Variants in RBM46 observed in about 807,000 individuals in gnomAD.
RBM46 encodes the protein RNA binding motif protein 46, also known as probable RNA-binding protein 46.
Under a neutral mutation model 43.3 loss-of-function variants are expected in RBM46, and 12 were observed. The observed-to-expected ratio is 0.28, with a 90% CI of 0.18 to 0.45. The LOEUF (loss-of-function observed/expected upper bound fraction) is 0.45. Ranked by LOEUF, RBM46 falls within the 20% of genes least tolerant of loss-of-function variation. RBM46 has a pLI of 1.00. For synonymous variants in RBM46, 205 were observed against 207.6 expected (o/e 0.99, Z 0.11); for missense variants, 412 against 639.1 (o/e 0.64, Z 3.83).
Position 154,796,839 on chromosome 4 carries a change from G to C in RBM46, c.87G>C (p.Met29Ile). The C allele has an allele frequency of 6.2e-7, 1 of 1,613,908 alleles. No individual in the cohort carries two copies. Among genetic ancestry groups the C allele is most frequent in the South Asian group, 1.1e-5 (1 of 91,054 alleles). The change falls in exon 2 of 5, where the codon ATG becomes ATC. Residue 29 changes from methionine to isoleucine, a missense_variant. Physicochemically the swap from Met to Ile is conservative, Grantham distance 10. Transcript: ENST00000281722. ...IQNEAALLAL[M>I]EKTGYNMVQE... The stretch of plus-strand genomic sequence containing the variant: ...ATGAAGCAGCATTACTTGCTTTGAT[G>C]GAAAAGACTGGTTACAACATGGTTC...
intron 1 of RBM46, among the ~76,000 whole-genome samples, chr4:154,786,350 A>G (rs1193394858): frequency 6.6e-6 from 1 of 151,872 alleles, no homozygotes; most frequent in Non-Finnish European, 1.5e-5. Flanking sequence ...CATTCTCCCA[A>G]AGTGCTGGGA....
At chr4:154,807,004 G>A (rs554420570) in intron 4 of RBM46, among the ~76,000 whole-genome samples, 1 of 151,636 alleles carries the variant, frequency 6.6e-6, no homozygotes, top group East Asian at 1.9e-4. Context: ...TGGTTAATAC[G>A]GTCCTAAAAT....
At chr4:154,824,515 A>T (rs1310507714) in intron 4 of RBM46, among the ~76,000 whole-genome samples, 1 of 152,112 alleles carries the variant, frequency 6.6e-6, no homozygotes, top group African/African-American at 2.4e-5. Flanking sequence ...AATAACCATA[A>T]AAATGAAGAA....
At chr4:154,797,635 C>G (rs760976953) in intron 2 of RBM46, among the ~76,000 whole-genome samples, 176 bp from the exon 3 acceptor site, 1 of 152,136 alleles carries the variant, frequency 6.6e-6, no homozygotes, top group Non-Finnish European at 1.5e-5. Context: ...TCTCCCTTCT[C>G]TATTGAATAT....
intron 4 of RBM46, among the ~76,000 whole-genome samples, chr4:154,808,631 G>A (rs919470590): frequency 6.6e-6 from 1 of 151,766 alleles, no homozygotes; most frequent in African/African-American, 2.4e-5. Context: ...CTGTAGTTAC[G>A]AATTTATGAA....
intron 1 of RBM46, among the ~76,000 whole-genome samples, chr4:154,787,695 A>T (rs1016275966): frequency 3.3e-5 from 5 of 152,138 alleles, no homozygotes; most frequent in African/African-American, 1.2e-4. Flanking sequence ...TTGGGTATAG[A>T]CCCAGTAATG....
At chr4:154,797,616 CACTT>C (rs773399205) in intron 2 of RBM46, among the ~76,000 whole-genome samples, 191 bp from the exon 3 acceptor site, 87 of 152,144 alleles carry the variant, frequency 5.7e-4, no homozygotes, top group Non-Finnish European at 1.1e-3. Context: ...CTTAACCACT[CACTT>C]GTTATCTCCC....
chr4:154,824,959 A>T (rs969309000), intron 4 of RBM46, among the ~76,000 whole-genome samples: 1 of 152,148 alleles, frequency 6.6e-6, no homozygotes, highest in Admixed American at 6.6e-5. Context: ...TATCAATTAC[A>T]TAGATTTATA....
Position 154,828,044 on chromosome 4 carries a change from T to G in RBM46, c.1579T>G (p.Ser527Ala). ...GSHVGQRLCI[S>A]NQASFF ...CCATGTTGGACAGCGGCTATGTATC[T>G]CCAATCAGGCCTCCTTCTTCTGAAG... Residue 527 changes from serine to alanine, a missense_variant, in exon 5 of 5, where the codon TCC becomes GCC. Around this residue, in one of 8 missense-constraint regions of RBM46, gnomAD observed 149 missense variants for 156.3 expected, o/e 0.95. Coordinates refer to ENST00000281722, the MANE Select transcript of RBM46 (RefSeq NM_144979.5). 6.2e-7 allele frequency: 1 copy of G among 1,612,954 alleles called. No homozygotes were observed. The highest frequency in any genetic ancestry group is 8.5e-7 in the Non-Finnish European group (1 of 1,178,968).
At chr4:154,823,882 G>C (rs1288611917) in intron 4 of RBM46, among the ~76,000 whole-genome samples, 1 of 151,930 alleles carries the variant, frequency 6.6e-6, no homozygotes, top group African/African-American at 2.4e-5. Context: ...GTTTATTCCA[G>C]ACACACCACC....
At chr4:154,808,983 C>G (rs1348133948) in intron 4 of RBM46, among the ~76,000 whole-genome samples, 1 of 151,740 alleles carries the variant, frequency 6.6e-6, no homozygotes, top group African/African-American at 2.4e-5. Context: ...TGAAGGCACT[C>G]ACTTAGTTTC....
chr4:154,802,812 C>T (rs547535977), intron 4 of RBM46, among the ~76,000 whole-genome samples: 1 of 152,012 alleles, frequency 6.6e-6, no homozygotes, highest in Admixed American at 6.5e-5. Context: ...CCTCAGTATC[C>T]TTATTTTAAC....
chr4:154,795,551 G>A (rs1734310629), intron 1 of RBM46, among the ~76,000 whole-genome samples: 1 of 152,136 alleles, frequency 6.6e-6, no homozygotes, highest in South Asian at 2.1e-4. Flanking sequence ...AGGCCAGAGT[G>A]CAGTGGTTTG....
intron 4 of RBM46, among the ~76,000 whole-genome samples, chr4:154,822,942 G>A (rs1234886143): frequency 1.3e-5 from 2 of 151,692 alleles, no homozygotes; most frequent in African/African-American, 4.8e-5. Context: ...AAAGAGAATT[G>A]AAAACATATG....
chr4:154,796,669 A>G, intron 1 of RBM46, 73 bp from the exon 2 acceptor site: 4 of 1,047,144 alleles, frequency 3.8e-6, no homozygotes, highest in Non-Finnish European at 5.4e-6. Context: ...TTTTTCTGCA[A>G]CCCAAAGAAA....
At chr4:154,795,520 C>T (rs1298703015) in intron 1 of RBM46, among the ~76,000 whole-genome samples, 2 of 151,988 alleles carry the variant, frequency 1.3e-5, no homozygotes, top group Admixed American at 6.6e-5. Flanking sequence ...TTGTTTCAGA[C>T]AGGATCTTGC....
intron 4 of RBM46, 169 bp from the exon 5 acceptor site, chr4:154,827,699 C>T (rs1736030338): frequency 4.9e-6 from 7 of 1,428,770 alleles, no homozygotes; most frequent in South Asian, 1.6e-5. Flanking sequence ...TCAGGATTTG[C>T]AGTGCAGTGA....
intron 4 of RBM46, among the ~76,000 whole-genome samples, chr4:154,810,776 A>G (rs1056217630): frequency 3.3e-5 from 5 of 152,180 alleles, no homozygotes; most frequent in African/African-American, 1.2e-4. Flanking sequence ...CCCTAATACC[A>G]CTTGGAATAT....
intron 2 of RBM46, among the ~76,000 whole-genome samples, chr4:154,797,172 G>A (rs928726968): frequency 6.6e-6 from 1 of 152,150 alleles, no homozygotes; most frequent in African/African-American, 2.4e-5. Context: ...GTAGGAAAAA[G>A]GGTGCTACTC....
Sources: gnomAD v4.1 joint callset for allele counts (sites outside exome capture counted in the v4.1 genomes callset) on GRCh38, gnomAD v4.1.1 for gene constraint, gnomAD v4.1.1 regional missense constraint, MANE v1.5 for transcripts, NCBI Gene and HGNC (gene_info 2026-07-23, HGNC 2026-07-21) for gene names.